Variants in TXK observed in about 807,000 individuals in gnomAD.
The protein encoded by TXK is tyrosine-protein kinase TXK.
A neutral mutation model predicts 81.0 loss-of-function variants in TXK; 60 were observed. That is an observed-to-expected ratio of 0.74 (90% confidence interval 0.60 to 0.92). The LOEUF is 0.92. TXK is among the 40% of genes least tolerant of loss of function. TXK has a pLI of 0.00. For synonymous variants in TXK, 203 were observed against 210.7 expected (o/e 0.96, Z 0.32); for missense variants, 581 against 638.3 (o/e 0.91, Z 0.97).
intron 1 of TXK, among the ~76,000 whole-genome samples, chr4:48,119,299 T>C (rs926044213): frequency 6.6e-6 from 1 of 152,220 alleles, no homozygotes; most frequent in African/African-American, 2.4e-5. Context: ...TCAATACATA[T>C]TAGTTCCTTT....
chr4:48,106,574 G>C (rs1048578461), intron 5 of TXK, among the ~76,000 whole-genome samples: 1 of 151,984 alleles, frequency 6.6e-6, no homozygotes. Context: ...TATGTTATGT[G>C]AACACCTCTG....
chr4:48,132,606 G>A (rs1171869393), intron 1 of TXK, among the ~76,000 whole-genome samples: 6 of 152,084 alleles, frequency 3.9e-5, no homozygotes, highest in Admixed American at 2.0e-4. Flanking sequence ...ATGTGTGTGT[G>A]TATATATATT....
At chr4:48,119,726 C>T (rs973757596) in intron 1 of TXK, among the ~76,000 whole-genome samples, 6 of 152,188 alleles carry the variant, frequency 3.9e-5, no homozygotes, top group African/African-American at 1.4e-4. Flanking sequence ...TTTTCATCTG[C>T]TGTGTCTGCT....
At chr4:48,093,060 G>C (rs1423180747) in intron 8 of TXK, among the ~76,000 whole-genome samples, 4 of 152,102 alleles carry the variant, frequency 2.6e-5, no homozygotes, top group Non-Finnish European at 5.9e-5. Context: ...TTGGAGGAAG[G>C]AGAAAGAGGA....
At chr4:48,099,204 GA>G (rs1718093811) in intron 6 of TXK, among the ~76,000 whole-genome samples, 1 of 151,922 alleles carries the variant, frequency 6.6e-6, no homozygotes. Flanking sequence ...TTAATTCACA[GA>G]AATAAAAAGC....
At chr4:48,120,202 T>A in intron 1 of TXK, among the ~76,000 whole-genome samples, 1 of 94,204 alleles carries the variant, frequency 1.1e-5, no homozygotes, top group Non-Finnish European at 3.0e-5. Context: ...TACACACATA[T>A]ATACGTATAT....
intron 9 of TXK, 53 bp downstream of exon 9, chr4:48,089,697 G>T: frequency 6.8e-7 from 1 of 1,464,950 alleles, no homozygotes; most frequent in Non-Finnish European, 9.5e-7. Context: ...CAGCCAGGTA[G>T]ATTCTTTACT....
chr4:48,071,706 T>C, intron 13 of TXK, 32 bp from the exon 14 acceptor site: 2 of 1,607,444 alleles, frequency 1.2e-6, no homozygotes, highest in Non-Finnish European at 8.5e-7. Flanking sequence ...AACAAGGGGT[T>C]AGAGAGAAAT....
intron 10 of TXK, among the ~76,000 whole-genome samples, chr4:48,080,974 A>G (rs573125291): frequency 3.2e-4 from 49 of 152,228 alleles, no homozygotes; most frequent in African/African-American, 1.2e-3. Context: ...ACTTGGGAAG[A>G]CTGTGTACCT....
intron 8 of TXK, among the ~76,000 whole-genome samples, chr4:48,090,290 C>T (rs1717714396): frequency 6.6e-6 from 1 of 152,164 alleles, no homozygotes; most frequent in Admixed American, 6.5e-5. Context: ...TGTCCTTGAA[C>T]ATACATTTGT....
chr4:48,124,560 C>CTT (rs113064041), intron 1 of TXK, among the ~76,000 whole-genome samples: 1 of 151,294 alleles, frequency 6.6e-6, no homozygotes, highest in African/African-American at 2.4e-5. Context: ...CATCTGAGCT[C>CTT]TTCTTTTTTT....
At chr4:48,102,771 T>TA (rs1396433260) in intron 6 of TXK, among the ~76,000 whole-genome samples, 1 of 152,224 alleles carries the variant, frequency 6.6e-6, no homozygotes, top group African/African-American at 2.4e-5. Context: ...AATACACAGT[T>TA]AAAGGAATGT....
intron 7 of TXK, among the ~76,000 whole-genome samples, chr4:48,094,436 C>T (rs928816029): frequency 6.6e-6 from 1 of 152,104 alleles, no homozygotes; most frequent in African/African-American, 2.4e-5. Flanking sequence ...AGTGACAAGA[C>T]CAGTGTTCAG....
At chr4:48,133,476 G>A (rs1289878870) in intron 1 of TXK, among the ~76,000 whole-genome samples, 3 of 152,122 alleles carry the variant, frequency 2.0e-5, no homozygotes, top group Non-Finnish European at 4.4e-5. Context: ...TTTTAACCAG[G>A]TAGAGACTCG....
chr4:48,123,755 G>C (rs759541510), intron 1 of TXK, among the ~76,000 whole-genome samples: 1 of 152,048 alleles, frequency 6.6e-6, no homozygotes, highest in Non-Finnish European at 1.5e-5. Flanking sequence ...TGTCTCCTTC[G>C]ATTCACCCCA....
chr4:48,094,200 T>G lies in TXK; in HGVS notation c.586A>C (p.Thr196Pro). 6.2e-7 allele frequency: 1 copy of G among 1,613,320 alleles called. No homozygotes were observed. The highest frequency in any genetic ancestry group is 1.1e-5 in the South Asian group (1 of 91,056). The change falls in exon 8 of 15, where the codon ACG becomes CCG. Residue 196 changes from threonine (T) to proline (P), a missense_variant. Thr to Pro is a conservative substitution (Grantham distance 38, BLOSUM62 -1). Coordinates refer to ENST00000264316, the MANE Select transcript of TXK (RefSeq NM_003328.3). ...TGATAATGTTTTATGGCAGCCTCCG[T>G]ACTTCTACAATCAAGAAAATGTGAA... Reference protein sequence around the residue: ...ISVFMGARRSTEAAIKHYQIK... With the variant: ...ISVFMGARRSPEAAIKHYQIK...
chr4:48,132,609 T>C (rs1015790533), intron 1 of TXK, among the ~76,000 whole-genome samples: 2 of 152,166 alleles, frequency 1.3e-5, no homozygotes, highest in Non-Finnish European at 2.9e-5. Context: ...TGTGTGTGTA[T>C]ATATATTTAA....
intron 1 of TXK, among the ~76,000 whole-genome samples, chr4:48,116,102 G>T (rs1351445597): frequency 6.6e-6 from 1 of 152,164 alleles, no homozygotes; most frequent in Non-Finnish European, 1.5e-5. Context: ...TAAAACTGAG[G>T]TAAATAGTAT....
At chr4:48,078,557 G>A (rs1273520190) in intron 11 of TXK, among the ~76,000 whole-genome samples, 3 of 152,190 alleles carry the variant, frequency 2.0e-5, no homozygotes, top group Non-Finnish European at 4.4e-5. Context: ...TGAATATCAC[G>A]AATAAATGTG....
Sources: gnomAD v4.1 joint callset for allele counts (sites outside exome capture counted in the v4.1 genomes callset) on GRCh38, gnomAD v4.1.1 for gene constraint, MANE v1.5 for transcripts, NCBI Gene and HGNC (gene_info 2026-07-23, HGNC 2026-07-21) for gene names.